SAMM50: variants seen among roughly 807,000 people sequenced by gnomAD.
SAMM50 encodes SAMM50 sorting and assembly machinery component.
SAMM50 carries 47 observed loss-of-function variants against 66.9 expected under a neutral mutation model. That is an observed-to-expected ratio of 0.70 (90% confidence interval 0.56 to 0.90). The LOEUF (loss-of-function observed/expected upper bound fraction) is 0.90. SAMM50 is among the 40% of genes least tolerant of loss of function. SAMM50 has a pLI of 0.00. For synonymous variants in SAMM50, 191 were observed against 214.1 expected (o/e 0.89, Z 0.94); for missense variants, 535 against 595.3 (o/e 0.90, Z 1.05).
chr22:43,979,044 G>A (rs371548319), intron 10 of SAMM50, among the ~76,000 whole-genome samples: 21 of 152,148 alleles, frequency 1.4e-4, no homozygotes, highest in African/African-American at 4.8e-4. Flanking sequence ...TGCAGCACTG[G>A]ATGTTGTCGC....
At chr22:43,976,949 C>G (rs371112318) in intron 9 of SAMM50, 128 bp downstream of exon 9, 18 of 605,904 alleles carry the variant, frequency 3.0e-5, no homozygotes, top group Middle Eastern at 4.3e-4. Context: ...CATGCAGTAT[C>G]GCTTTTGAAG....
chr22:43,958,316 G>A (rs1425002482), intron 1 of SAMM50, among the ~76,000 whole-genome samples: 1 of 152,112 alleles, frequency 6.6e-6, no homozygotes, highest in Non-Finnish European at 1.5e-5. Flanking sequence ...AGATGTAATG[G>A]TAGGAACTGC....
intron 7 of SAMM50, among the ~76,000 whole-genome samples, chr22:43,973,652 T>G (rs572031803): frequency 1.2e-4 from 18 of 152,298 alleles, no homozygotes; most frequent in Non-Finnish European, 2.9e-5. Flanking sequence ...TTGTTGTTGT[T>G]GAGACAGAGG....
intron 4 of SAMM50, among the ~76,000 whole-genome samples, chr22:43,971,463 A>AGTAACACAGTAAACACAGTAACAG (rs2050203262): frequency 1.3e-5 from 2 of 152,182 alleles, no homozygotes; most frequent in African/African-American, 4.8e-5. Context: ...GAGGACAGAC[A>AGTAACACAGTAAACACAGTAACAG]TGCCTCTTAC....
chr22:43,977,985 T>A (rs772057004), intron 10 of SAMM50, 27 bp downstream of exon 10: 3 of 1,447,358 alleles, frequency 2.1e-6, no homozygotes, highest in Non-Finnish European at 2.9e-6. Flanking sequence ...TGCTGGCACC[T>A]GCACTGTCAG....
rs2050157256 is a variant in SAMM50 at position 43,963,373 on chromosome 22, C to T, written c.109C>T (p.Gln37Ter). The change falls in exon 2 of 15, where the codon CAG (glutamine) becomes TAG (stop). Residue 37 changes from glutamine to a stop codon, truncating the protein, a stop_gained. Coordinates refer to ENST00000350028, the MANE Select transcript of SAMM50 (RefSeq NM_015380.5). LOFTEE classifies it high-confidence loss of function. ...TGTTGAAGTTGAGCCTGAAGCTAAA[C>T]AGGAAATTCTTGAAAACAAAGATGT... ...EFVEVEPEAK[Q>*]EILENKDVVV... is the part of the protein sequence containing the mutation. 6.2e-7 allele frequency: 1 copy of T among 1,610,310 alleles called. No individual in the cohort carries two copies. Among genetic ancestry groups the T allele is most frequent in the African/African-American group, 1.3e-5 (1 of 74,836 alleles).
chr22:43,979,977 C>T (rs967640028), intron 10 of SAMM50, among the ~76,000 whole-genome samples: 1 of 150,666 alleles, frequency 6.6e-6, no homozygotes, highest in Admixed American at 6.6e-5. Context: ...CTTCAACCTC[C>T]TAGATGGAAG....
intron 3 of SAMM50, among the ~76,000 whole-genome samples, chr22:43,967,301 G>A (rs1028147549): frequency 2.6e-5 from 4 of 152,282 alleles, no homozygotes; most frequent in Admixed American, 2.6e-4. Flanking sequence ...TGCCACAGCC[G>A]TCTCCAGCTC....
chr22:43,973,096 C>T, intron 6 of SAMM50, 95 bp downstream of exon 6: 7 of 1,478,486 alleles, frequency 4.7e-6, no homozygotes, highest in Non-Finnish European at 6.5e-6. Flanking sequence ...GAATCAGCTG[C>T]CACTTCTGCA....
intron 1 of SAMM50, among the ~76,000 whole-genome samples, chr22:43,959,690 G>A (rs1286316823): frequency 4.6e-5 from 7 of 151,946 alleles, no homozygotes; most frequent in African/African-American, 7.3e-5. Context: ...ATATTTTAGC[G>A]CATTTTACCA....
At chr22:43,964,269 G>A (rs568603472) in intron 2 of SAMM50, among the ~76,000 whole-genome samples, 183 bp from the exon 3 acceptor site, 1 of 152,208 alleles carries the variant, frequency 6.6e-6, no homozygotes, top group Non-Finnish European at 1.5e-5. Context: ...GAGCAAAGGG[G>A]AAGTCACAGT....
chr22:43,985,792 G>C (rs2050289253), intron 12 of SAMM50, among the ~76,000 whole-genome samples: 1 of 151,938 alleles, frequency 6.6e-6, no homozygotes, highest in Non-Finnish European at 1.5e-5. Flanking sequence ...TGCCAGGCGA[G>C]CTTCCGGGGT....
chr22:43,987,621 A>G (rs374315121), intron 12 of SAMM50: 1 of 152,188 alleles, frequency 6.6e-6, no homozygotes, highest in Non-Finnish European at 1.5e-5. Flanking sequence ...ATAGAAATTC[A>G]TTGAGCTGTA....
chr22:43,956,291 A>G (rs1250296993), intron 1 of SAMM50, among the ~76,000 whole-genome samples: 1 of 152,218 alleles, frequency 6.6e-6, no homozygotes, highest in African/African-American at 2.4e-5. Flanking sequence ...CAAATGGCCT[A>G]AAACCTCAGA....
intron 12 of SAMM50, among the ~76,000 whole-genome samples, chr22:43,985,022 T>C (rs1399193326): frequency 6.6e-6 from 1 of 152,038 alleles, no homozygotes; most frequent in Non-Finnish European, 1.5e-5. Context: ...TTTTAACAGG[T>C]ACATATTTCA....
At position 43,983,943 on chromosome 22, in the gene SAMM50, G is replaced by A. The variant is rs781217777; in HGVS notation, c.1018G>A (p.Gly340Arg). The stretch of plus-strand genomic sequence containing the variant: ...GCTGTTTTGTCCTAGGTTTTACCTT[G>A]GGGGACCCACAAGCATCCGCGGATT... ...PSSIADRFYL[G>R]GPTSIRGFSM... The change falls in exon 12 of 15, where the codon GGG (glycine) becomes AGG (arginine). Residue 340 changes from glycine (G) to arginine (R), a missense_variant. By Grantham distance (125) the Gly-to-Arg change is moderately radical (BLOSUM62 -2). Coordinates refer to ENST00000350028, the MANE Select transcript of SAMM50 (RefSeq NM_015380.5). The surrounding 1 kb of genome is among the most constrained non-coding windows in gnomAD (Gnocchi z 4.2). 1.2e-6 allele frequency: 2 copies of A among 1,610,000 alleles called. No homozygotes were observed. The highest frequency in any genetic ancestry group is 1.1e-5 in the South Asian group (1 of 90,198).
chr22:43,976,880 G>C, intron 9 of SAMM50, 59 bp downstream of exon 9: 2 of 796,384 alleles, frequency 2.5e-6, no homozygotes, highest in Non-Finnish European at 4.0e-6. Context: ...TTGGACAGTA[G>C]ATAAAGTCCC....
rs112901139 is a variant in SAMM50 at position 43,983,851 on chromosome 22, CAT to C, written c.1008-81_1008-80del. The C allele has an allele frequency of 3.5e-3, 3,278 of 941,654 alleles. 63 individuals carry two copies. In the African/African-American group the frequency reaches 0.049, roughly 14 times the overall value. 58.3% of individuals were successfully genotyped at this position (941,654 alleles called of 1,614,324 possible). On this transcript the variant is annotated intron_variant, in intron 11 of 14. Coordinates refer to ENST00000350028, the MANE Select transcript of SAMM50 (RefSeq NM_015380.5). The surrounding 1 kb of genome is among the most constrained non-coding windows in gnomAD (Gnocchi z 4.2). ...AATCTAGTATCGAATGTGAGTCTGA[CAT>C]GTGTTTCCTACGCGTTCCGTGTGTC...
At chr22:43,985,390 C>G (rs900758927) in intron 12 of SAMM50, among the ~76,000 whole-genome samples, 3 of 152,004 alleles carry the variant, frequency 2.0e-5, no homozygotes, top group African/African-American at 7.3e-5. Flanking sequence ...AACGACAGGT[C>G]TTTGAACTAT....
Sources: gnomAD v4.1 joint callset for allele counts (sites outside exome capture counted in the v4.1 genomes callset) on GRCh38, gnomAD v4.1.1 for gene constraint, Gnocchi (gnomAD v3.1) non-coding constraint, MANE v1.5 for transcripts, NCBI Gene and HGNC (gene_info 2026-07-23, HGNC 2026-07-21) for gene names.